The following FLI1 variants were observed in gnomAD, a reference collection of about 807,000 sequenced individuals.
FLI1 encodes Fli-1 proto-oncogene, ETS transcription factor.
Under a neutral mutation model 53.1 loss-of-function variants are expected in FLI1, and 13 were observed. That is an observed-to-expected ratio of 0.24 (90% CI 0.16 to 0.39). The LOEUF is 0.39. Among genes scored for constraint, FLI1 ranks in the 10% least tolerant of loss-of-function variants. The pLI is 1.00. For missense variants in FLI1, 424 were observed against 600.5 expected, an observed-to-expected ratio of 0.71 and a Z score of 3.07; for synonymous variants, 244 against 236.7, an observed-to-expected ratio of 1.03 and a Z score of -0.28.
chr11:128,768,220 C>T lies in FLI1; in HGVS notation c.333C>T (p.Gly111=), dbSNP rs763547819. Residue 111 remains glycine, a synonymous_variant, in exon 3 of 9, where the codon GGC becomes GGT. Coordinates refer to ENST00000527786, the MANE Select transcript of FLI1 (RefSeq NM_002017.5). The part of the protein sequence containing the change: ...NYNSYMDEKN[G]PPPPNMTTNE... The stretch of plus-strand genomic sequence containing the variant: ...ACAGCTATATGGACGAGAAGAATGG[C>T]CCCCCTCCTCCCAACATGACCACCA... The T allele has an allele frequency of 1.9e-6, 3 of 1,613,842 alleles. No individual in the cohort carries two copies. In the South Asian group the frequency reaches 3.3e-5, roughly 18 times the overall value.
intron 5 of FLI1, among the ~76,000 whole-genome samples, chr11:128,785,991 A>G (rs1942066041): frequency 6.6e-6 from 1 of 152,244 alleles, no homozygotes; most frequent in Non-Finnish European, 1.5e-5. Flanking sequence ...TAAAATGGTA[A>G]GTTTTATGTT....
intron 1 of FLI1, among the ~76,000 whole-genome samples, chr11:128,737,845 T>C (rs1468677657): frequency 1.3e-5 from 2 of 152,244 alleles, no homozygotes; most frequent in South Asian, 2.1e-4. Context: ...GCTTATGATA[T>C]ATAACATCAA....
intron 4 of FLI1, among the ~76,000 whole-genome samples, chr11:128,779,085 C>A (rs558746567): frequency 1.3e-5 from 2 of 152,312 alleles, no homozygotes; most frequent in South Asian, 4.1e-4. Context: ...TTCATGCAAG[C>A]TTTGGAGAGG....
chr11:128,790,906 A>G (rs1398722742), intron 5 of FLI1, among the ~76,000 whole-genome samples: 1 of 152,138 alleles, frequency 6.6e-6, no homozygotes, highest in Non-Finnish European at 1.5e-5. Flanking sequence ...GGGAACTCAG[A>G]TGTCCTCAAA....
chr11:128,770,230 C>T (rs968521421), intron 3 of FLI1, among the ~76,000 whole-genome samples: 15 of 152,184 alleles, frequency 9.9e-5, no homozygotes, highest in Non-Finnish European at 4.4e-5. Context: ...TTACCTATAG[C>T]GCTGGTGGTG....
At chr11:128,764,272 T>C (rs1284754529) in intron 2 of FLI1, among the ~76,000 whole-genome samples, 1 of 152,210 alleles carries the variant, frequency 6.6e-6, no homozygotes, top group Non-Finnish European at 1.5e-5. Flanking sequence ...ATTGCAAAGC[T>C]TTTTTTGGAA....
In FLI1 at chr11:128,758,287, T is replaced by C; in HGVS notation, c.191T>C (p.Val64Ala). The C allele has an allele frequency of 6.2e-7, 1 of 1,613,378 alleles. No homozygotes were observed. Residue 64 changes from valine (V) to alanine (A), a missense_variant, in exon 2 of 9, where the codon GTC becomes GCC. Val to Ala is a moderately conservative substitution (Grantham distance 64). Transcript: ENST00000527786. ...GAGTGGATCAATCAGCCAGTGAGGG[T>C]CAACGTCAAGCGGGAGTATGACCAC... is the stretch of plus-strand genomic sequence containing the variant. Reference protein sequence around the residue: ...QQEWINQPVRVNVKREYDHMN... With the variant: ...QQEWINQPVRANVKREYDHMN...
chr11:128,734,083 T>C (rs148447023), intron 1 of FLI1, among the ~76,000 whole-genome samples: 4 of 152,340 alleles, frequency 2.6e-5, no homozygotes, highest in Non-Finnish European at 4.4e-5. Context: ...GAAAATATCT[T>C]TGCTACCACG....
intron 2 of FLI1, among the ~76,000 whole-genome samples, chr11:128,760,531 T>A (rs1017037558): frequency 7.0e-6 from 1 of 143,640 alleles, no homozygotes; most frequent in African/African-American, 2.6e-5. Context: ...TTTTTTTTTT[T>A]TTTTTTTTTT....
At chr11:128,697,372 G>A (rs781601376) in intron 1 of FLI1, among the ~76,000 whole-genome samples, 4 of 152,206 alleles carry the variant, frequency 2.6e-5, no homozygotes, top group South Asian at 2.1e-4. Context: ...CAGAAAGCCC[G>A]GGTTCATTCT....
chr11:128,762,348 G>T (rs916121589), intron 2 of FLI1, among the ~76,000 whole-genome samples: 1 of 152,202 alleles, frequency 6.6e-6, no homozygotes, highest in Non-Finnish European at 1.5e-5. Context: ...CCAAGGCAGG[G>T]TATAAAATTT....
At chr11:128,711,388 A>G (rs1938777980) in intron 1 of FLI1, among the ~76,000 whole-genome samples, 1 of 152,248 alleles carries the variant, frequency 6.6e-6, no homozygotes, top group African/African-American at 2.4e-5. Flanking sequence ...GCAAAGCAAA[A>G]TGAAAAGTGA....
chr11:128,752,091 TCAG>T (rs1940672465), intron 1 of FLI1, among the ~76,000 whole-genome samples: 1 of 152,150 alleles, frequency 6.6e-6, no homozygotes, highest in Non-Finnish European at 1.5e-5. Flanking sequence ...TTCTCCTGCC[TCAG>T]CCTCCTGAGT....
intron 2 of FLI1, among the ~76,000 whole-genome samples, chr11:128,762,132 T>C (rs1941144736): frequency 6.6e-6 from 1 of 152,242 alleles, no homozygotes; most frequent in Non-Finnish European, 1.5e-5. Context: ...CATTTAATTA[T>C]GCCAAAAGCA....
intron 1 of FLI1, among the ~76,000 whole-genome samples, chr11:128,726,088 A>T (rs1280625858): frequency 6.6e-6 from 1 of 152,116 alleles, no homozygotes; most frequent in Admixed American, 6.5e-5. Flanking sequence ...CTACTATCAC[A>T]TTACTGAGTC....
chr11:128,786,503 C>T (rs1050340794), intron 5 of FLI1, among the ~76,000 whole-genome samples: 13 of 152,122 alleles, frequency 8.5e-5, no homozygotes, highest in African/African-American at 2.4e-4. Context: ...GTGTTGGTAA[C>T]GTGATTTTAT....
At chr11:128,718,651 T>C (rs1163305761) in intron 1 of FLI1, among the ~76,000 whole-genome samples, 1 of 152,244 alleles carries the variant, frequency 6.6e-6, no homozygotes, top group East Asian at 1.9e-4. Context: ...TTGTTTGTTT[T>C]GGTTTGGGTT....
intron 2 of FLI1, among the ~76,000 whole-genome samples, chr11:128,760,389 TG>T (rs1293185792): frequency 3.3e-5 from 5 of 152,020 alleles, no homozygotes; most frequent in African/African-American, 1.2e-4. Flanking sequence ...GTCATGCTTT[TG>T]CACCACCACC....
chr11:128,809,316 G>C lies in FLI1; in HGVS notation c.829+112G>C, dbSNP rs630797. 351,161 of 850,996 alleles carry C rather than the reference G, an allele frequency of 0.41. 73,556 individuals carry two copies. The highest frequency in any genetic ancestry group is 0.44 in the East Asian group (17,836 of 40,650). The allele number at this position is 850,996 out of a possible 1,614,324, so 52.7% of individuals were successfully genotyped here. On this transcript the variant is annotated intron_variant, in intron 8 of 8. Coordinates refer to ENST00000527786, the MANE Select transcript of FLI1 (RefSeq NM_002017.5). Reference sequence around the variant, plus strand: ...CACCTGAGTGGGGAGTAACATGCACGTCTTTCCTTGAAATGTTCAATGTCT... The same window carrying C: ...CACCTGAGTGGGGAGTAACATGCACCTCTTTCCTTGAAATGTTCAATGTCT...
Sources: allele counts gnomAD v4.1 joint callset (sites outside exome capture counted in the v4.1 genomes callset), GRCh38; gene constraint gnomAD v4.1.1; transcripts MANE v1.5; gene names NCBI Gene and HGNC (gene_info 2026-07-23, HGNC 2026-07-21).